Variants in CADM2 observed in about 807,000 individuals in gnomAD.
CADM2 encodes immunoglobulin superfamily member 4D.
In CADM2, 12 loss-of-function variants were observed where a neutral mutation model predicts 49.8. That is an observed-to-expected ratio of 0.24 (90% CI 0.15 to 0.39). The LOEUF is 0.39. CADM2 is among the 10% of genes least tolerant of loss of function. The pLI, the probability that CADM2 is intolerant of heterozygous loss-of-function variation, is 1.00. For missense variants in CADM2, 378 were observed against 492.3 expected (o/e 0.77, Z 2.20); for synonymous variants, 214 against 175.4 (o/e 1.22, Z -1.74).
Position 85,755,413 on chromosome 3 carries a change from A to T in CADM2, c.88+28865A>T, listed in dbSNP as rs184619208. On this transcript the variant is annotated intron_variant, in intron 2 of 9. Transcript: ENST00000383699. ...GCCCAGAGCTTCCTGCCCTCTCCAG[A>T]CATGCCACCCTGTCAGCAAACTGTT... is the stretch of plus-strand genomic sequence containing the variant. 1.6e-4 allele frequency among the ~76,000 whole-genome samples: 25 copies of T among 151,924 alleles called. No homozygotes were observed. The East Asian group carries it at 4.6e-3, about 28-fold the overall frequency.
intron 3 of CADM2, among the ~76,000 whole-genome samples, chr3:85,842,332 G>A (rs997346220): frequency 5.9e-5 from 9 of 152,114 alleles, no homozygotes; most frequent in African/African-American, 2.2e-4. Flanking sequence ...CAGCTGAGGT[G>A]ATAGAGAAAA....
chr3:85,528,926 T>C (rs2061234386), intron 1 of CADM2, among the ~76,000 whole-genome samples: 1 of 152,222 alleles, frequency 6.6e-6, no homozygotes, highest in Admixed American at 6.5e-5. Flanking sequence ...TTTCTCTTTT[T>C]GATAGAAAGA....
chr3:85,764,112 G>A (rs762037279), intron 2 of CADM2, among the ~76,000 whole-genome samples: 3 of 151,936 alleles, frequency 2.0e-5, no homozygotes, highest in East Asian at 3.9e-4. Context: ...CTTTTCTTCC[G>A]CATTATATTA....
At chr3:85,568,061 C>G (rs927342727) in intron 1 of CADM2, among the ~76,000 whole-genome samples, 3 of 152,220 alleles carry the variant, frequency 2.0e-5, no homozygotes, top group South Asian at 2.1e-4. Flanking sequence ...AAATGCCAGT[C>G]TCTTCCCAAA....
chr3:85,513,880 C>A (rs976443736), intron 1 of CADM2, among the ~76,000 whole-genome samples: 1 of 152,130 alleles, frequency 6.6e-6, no homozygotes, highest in South Asian at 2.1e-4. Context: ...TGATATTCAA[C>A]ATACAATTTG....
chr3:85,281,327 T>C (rs1480038591), intron 1 of CADM2, among the ~76,000 whole-genome samples: 1 of 151,984 alleles, frequency 6.6e-6, no homozygotes, highest in East Asian at 1.9e-4. Context: ...ATGTAAAAGA[T>C]ATCCTAATGT....
At chr3:85,220,842 C>T (rs2042028832) in intron 1 of CADM2, among the ~76,000 whole-genome samples, 2 of 152,006 alleles carry the variant, frequency 1.3e-5, no homozygotes, top group Non-Finnish European at 2.9e-5. Context: ...ATATTGCACA[C>T]ATTTTCCTTT....
At chr3:85,365,393 C>A (rs539210316) in intron 1 of CADM2, among the ~76,000 whole-genome samples, 7 of 151,996 alleles carry the variant, frequency 4.6e-5, no homozygotes, top group Non-Finnish European at 1.0e-4. Flanking sequence ...GAGAACTATA[C>A]TTCGGGCAAA....
chr3:86,014,204 T>C, intron 8 of CADM2: 9 of 1,293,982 alleles, frequency 7.0e-6, no homozygotes, highest in South Asian at 6.5e-5. Context: ...GTGACACAAA[T>C]ATTAGATGGA....
chr3:85,489,900 T>G (rs2039601158), intron 1 of CADM2, among the ~76,000 whole-genome samples: 2 of 151,896 alleles, frequency 1.3e-5, no homozygotes, highest in African/African-American at 4.8e-5. Flanking sequence ...TGAACCAAGC[T>G]GATATGCAGG....
chr3:85,545,986 G>A (rs1416287886), intron 1 of CADM2, among the ~76,000 whole-genome samples: 2 of 152,050 alleles, frequency 1.3e-5, no homozygotes, highest in Non-Finnish European at 2.9e-5. Context: ...AAGAACATAT[G>A]GGAAAGCCAC....
intron 8 of CADM2, among the ~76,000 whole-genome samples, chr3:86,037,920 G>A (rs1735370111): frequency 1.3e-5 from 2 of 152,066 alleles, no homozygotes; most frequent in South Asian, 4.1e-4. Context: ...GCGGTTTGCT[G>A]CACCCATCAC....
At chr3:85,050,267 T>G (rs1477418263) in intron 1 of CADM2, among the ~76,000 whole-genome samples, 1 of 151,464 alleles carries the variant, frequency 6.6e-6, no homozygotes, top group Non-Finnish European at 1.5e-5. Context: ...AACCCAGGAG[T>G]AAAAGGGTCA....
chr3:85,255,757 A>C (rs2042871087), intron 1 of CADM2, among the ~76,000 whole-genome samples: 3 of 151,936 alleles, frequency 2.0e-5, no homozygotes, highest in African/African-American at 7.2e-5. Context: ...CTGTAAAAAC[A>C]AATCCTTATC....
chr3:85,535,723 C>A (rs950158919), intron 1 of CADM2, among the ~76,000 whole-genome samples: 3 of 152,066 alleles, frequency 2.0e-5, no homozygotes, highest in African/African-American at 7.2e-5. Flanking sequence ...AGCTTCTGTT[C>A]CTTCTGTCCA....
At chr3:85,551,016 C>G (rs1354598488) in intron 1 of CADM2, among the ~76,000 whole-genome samples, 1 of 152,056 alleles carries the variant, frequency 6.6e-6, no homozygotes, top group Non-Finnish European at 1.5e-5. Flanking sequence ...CAGGGTCTCA[C>G]TCTGCCACTC....
chr3:85,811,414 G>A (rs1410522697), intron 3 of CADM2, among the ~76,000 whole-genome samples: 1 of 152,122 alleles, frequency 6.6e-6, no homozygotes, highest in Admixed American at 6.5e-5. Context: ...ATTAATTTAT[G>A]TATTATTTTA....
At chr3:85,144,789 A>G (rs2039687666) in intron 1 of CADM2, among the ~76,000 whole-genome samples, 2 of 152,190 alleles carry the variant, frequency 1.3e-5, no homozygotes, top group African/African-American at 2.4e-5. Context: ...GATTTGAAAG[A>G]TCAATTTCAG....
chr3:85,474,719 C>T (rs1397800206), intron 1 of CADM2, among the ~76,000 whole-genome samples: 3 of 151,784 alleles, frequency 2.0e-5, no homozygotes, highest in Non-Finnish European at 2.9e-5. Context: ...ATGATATCCA[C>T]TTAGAGGGTT....
Sources: allele counts gnomAD v4.1 joint callset (sites outside exome capture counted in the v4.1 genomes callset), GRCh38; gene constraint gnomAD v4.1.1; transcripts MANE v1.5; gene names NCBI Gene and HGNC (gene_info 2026-07-23, HGNC 2026-07-21).